Variants in IFT122 observed in about 807,000 individuals in gnomAD.
IFT122 encodes the protein intraflagellar transport protein 122 homolog.
Under a neutral mutation model 161.6 loss-of-function variants are expected in IFT122, and 118 were observed. The ratio of observed to expected loss-of-function variants is 0.73; its 90% CI spans 0.63 to 0.85. The LOEUF (loss-of-function observed/expected upper bound fraction) is 0.85, where lower values mean the gene tolerates loss of function less well. Among genes scored for constraint, IFT122 ranks in the 40% least tolerant of loss-of-function variants. The probability of loss-of-function intolerance (pLI) is 0.00; values close to 1 mark genes in which losing one functional copy is unlikely to be tolerated. For missense variants in IFT122, 1,381 were observed against 1,579.6 expected, an observed-to-expected ratio of 0.87 and a Z score of 2.13; for synonymous variants, 550 against 602.4, an observed-to-expected ratio of 0.91 and a Z score of 1.27.
intron 3 of IFT122, among the ~76,000 whole-genome samples, chr3:129,456,823 G>A (rs2075551167): frequency 1.3e-5 from 2 of 152,216 alleles, no homozygotes; most frequent in Non-Finnish European, 2.9e-5. Context: ...GGCTGAGGCA[G>A]GATAATCGCT....
intron 1 of IFT122, among the ~76,000 whole-genome samples, chr3:129,443,792 T>C (rs2073595336): frequency 6.6e-6 from 1 of 152,254 alleles, no homozygotes. Flanking sequence ...ATCAGACATA[T>C]ATGATATATT....
chr3:129,467,254 A>C (rs1339289352), intron 8 of IFT122, among the ~76,000 whole-genome samples, 188 bp downstream of exon 8: 1 of 152,208 alleles, frequency 6.6e-6, no homozygotes, highest in African/African-American at 2.4e-5. Context: ...TGATCCTGTG[A>C]GAAACTATAG....
chr3:129,517,268 G>GCGCGCGCGCGCGCACACA (rs1553776447), intron 26 of IFT122, among the ~76,000 whole-genome samples: 1 of 117,004 alleles, frequency 8.5e-6, no homozygotes, highest in African/African-American at 3.2e-5. Context: ...CATTGCTCCT[G>GCGCGCGCGCGCGCACACA]CACACACACA....
intron 3 of IFT122, chr3:129,457,804 C>G (rs961895241): frequency 3.5e-5 from 5 of 141,722 alleles, no homozygotes; most frequent in African/African-American, 1.4e-4. Context: ...GGCGTGATCT[C>G]GGCTCACTGC....
intron 17 of IFT122, among the ~76,000 whole-genome samples, chr3:129,494,156 G>T (rs1185508146): frequency 6.6e-6 from 1 of 152,070 alleles, no homozygotes; most frequent in Non-Finnish European, 1.5e-5. Flanking sequence ...ATATCCTGGG[G>T]CCTAGAATGG....
chr3:129,466,790 A>G, intron 7 of IFT122, 100 bp from the exon 8 acceptor site: 1 of 1,142,840 alleles, frequency 8.8e-7, no homozygotes, highest in Non-Finnish European at 1.3e-6. Context: ...GGCGTGAGTC[A>G]CTGCACCTGG....
At chr3:129,487,789 C>A (rs1239587877) in intron 15 of IFT122, 1 of 286,548 alleles carries the variant, frequency 3.5e-6, no homozygotes, top group Non-Finnish European at 6.8e-6. Context: ...GGGAACAGGC[C>A]TGTAACTGCG....
At position 129,483,561 on chromosome 3, in the gene IFT122, A is replaced by C; in HGVS notation, c.1730A>C (p.Asn577Thr). ...TGCTTCTCGGGAGGAGGCTACCTCA[A>C]CATCAAAGCCAGCACCTTCCCTGTG... ...MLCFSGGGYL[N>T]IKASTFPVHR... The change falls in exon 15 of 30, where the codon AAC (asparagine) becomes ACC (threonine). Residue 577 changes from asparagine to threonine, a missense_variant. By Grantham distance (65) the Asn-to-Thr change is moderately conservative. Around this residue, in one of 7 missense-constraint regions of IFT122, gnomAD observed 544 missense variants for 648.0 expected, o/e 0.84. Coordinates refer to ENST00000348417, the MANE Select transcript of IFT122 (RefSeq NM_052989.3). 6.2e-7 allele frequency: 1 copy of C among 1,614,116 alleles called. No homozygotes were observed. The highest frequency in any genetic ancestry group is 8.5e-7 in the Non-Finnish European group (1 of 1,180,022).
intron 16 of IFT122, among the ~76,000 whole-genome samples, chr3:129,488,612 G>C (rs910619736): frequency 2.0e-5 from 3 of 151,966 alleles, no homozygotes; most frequent in Non-Finnish European, 4.4e-5. Context: ...ATGATGACAG[G>C]CCCCATCCTC....
Position 129,478,009 on chromosome 3 carries a change from T to C in IFT122, c.1148-7T>C, listed in dbSNP as rs1553750902. On this transcript the variant is annotated splice_region_variant and splice_polypyrimidine_tract_variant and intron_variant, in intron 11 of 29. Coordinates refer to ENST00000348417, the MANE Select transcript of IFT122 (RefSeq NM_052989.3). ...TTGCTAGAACTAGATATTTTTTTCT[T>C]TGACAGTTCGGATTAAATGCAAAGA... The C allele has an allele frequency of 3.1e-6, 5 of 1,613,354 alleles. No homozygotes were observed. Among genetic ancestry groups the C allele is most frequent in the Middle Eastern group, 3.3e-4 (2 of 6,084 alleles).
intron 5 of IFT122, among the ~76,000 whole-genome samples, chr3:129,462,887 G>A (rs2076338516): frequency 6.6e-6 from 1 of 152,176 alleles, no homozygotes; most frequent in Non-Finnish European, 1.5e-5. Context: ...GTCATGTGTT[G>A]TGATTGAGAC....
At chr3:129,495,988 C>T (rs1303674222) in intron 18 of IFT122, among the ~76,000 whole-genome samples, 3 of 152,234 alleles carry the variant, frequency 2.0e-5, no homozygotes, top group East Asian at 1.9e-4. Flanking sequence ...AGGCAGGAGC[C>T]GGTCCTGCCG....
chr3:129,465,501 C>T (rs1474639105), intron 7 of IFT122, among the ~76,000 whole-genome samples: 17 of 129,348 alleles, frequency 1.3e-4, no homozygotes, highest in Admixed American at 2.7e-4. Flanking sequence ...GATGGAGTCT[C>T]GCTCGGTTGC....
chr3:129,494,196 C>A (rs2080531433), intron 17 of IFT122, among the ~76,000 whole-genome samples: 1 of 151,228 alleles, frequency 6.6e-6, no homozygotes, highest in African/African-American at 2.4e-5. Context: ...TCTAGTAAAA[C>A]CTTTTTTGTT....
At chr3:129,512,763 G>C in intron 24 of IFT122, 1 of 371,060 alleles carries the variant, frequency 2.7e-6, no homozygotes. Flanking sequence ...TCCAGACTGG[G>C]GAGGAGGGAG....
At chr3:129,461,181 A>G in intron 4 of IFT122, 47 bp from the exon 5 acceptor site, 1 of 1,455,820 alleles carries the variant, frequency 6.9e-7, no homozygotes, top group Non-Finnish European at 9.7e-7. Flanking sequence ...AGCCACTGAA[A>G]TCTTTGTGGT....
intron 27 of IFT122, among the ~76,000 whole-genome samples, 188 bp from the exon 28 acceptor site, chr3:129,518,919 G>T (rs1350828840): frequency 6.6e-6 from 1 of 152,242 alleles, no homozygotes; most frequent in Non-Finnish European, 1.5e-5. Context: ...AGGGGAATGG[G>T]TGAGGGCAGC....
At chr3:129,473,960 T>C (rs529800338) in intron 9 of IFT122, among the ~76,000 whole-genome samples, 297 of 152,346 alleles carry the variant, frequency 1.9e-3, no homozygotes, top group African/African-American at 6.8e-3. Flanking sequence ...CGATGGGAAC[T>C]AGTGAGCCAT....
At chr3:129,516,076 AACACACACACAGACTGCTCCTGC>A (rs2083476448) in intron 26 of IFT122, among the ~76,000 whole-genome samples, 1 of 104,886 alleles carries the variant, frequency 9.5e-6, no homozygotes, top group African/African-American at 3.9e-5. Flanking sequence ...ACTGTCCCTG[AACACACACACAGACTGCTCCTGC>A]ACACACACAC....
Sources: allele counts gnomAD v4.1 joint callset (sites outside exome capture counted in the v4.1 genomes callset), GRCh38; gene constraint gnomAD v4.1.1; regional missense constraint gnomAD v4.1.1; transcripts MANE v1.5; gene names NCBI Gene and HGNC (gene_info 2026-07-23, HGNC 2026-07-21).